The following CCDC178 variants were observed in gnomAD, a reference collection of about 807,000 sequenced individuals.
CCDC178 encodes coiled-coil domain-containing protein 178.
CCDC178 carries 126 observed loss-of-function variants against 117.4 expected under a neutral mutation model. That is an observed-to-expected ratio of 1.07 (90% CI 0.93 to 1.24). CCDC178 has a LOEUF of 1.24. Ranked by LOEUF, CCDC178 falls within the 50% of genes most tolerant of loss-of-function variation. CCDC178 has a pLI of 0.00. For synonymous variants in CCDC178, 283 were observed against 313.4 expected, an observed-to-expected ratio of 0.90 and a Z score of 1.02; for missense variants, 1,030 against 986.9, an observed-to-expected ratio of 1.04 and a Z score of -0.59.
intron 9 of CCDC178, among the ~76,000 whole-genome samples, chr18:33,343,745 T>G (rs2062847298): frequency 6.6e-6 from 1 of 152,194 alleles, no homozygotes; most frequent in African/African-American, 2.4e-5. Flanking sequence ...AGAAGTGAGT[T>G]TCCTTAATTT....
chr18:33,032,598 G>T (rs2144865247), intron 21 of CCDC178, among the ~76,000 whole-genome samples: 1 of 152,204 alleles, frequency 6.6e-6, no homozygotes, highest in East Asian at 1.9e-4. Flanking sequence ...AGTATAGGTT[G>T]TTAGGGACGC....
chr18:33,028,358 T>C (rs1456939363), intron 21 of CCDC178, among the ~76,000 whole-genome samples: 1 of 151,848 alleles, frequency 6.6e-6, no homozygotes, highest in Non-Finnish European at 1.5e-5. Flanking sequence ...TTCATCATAA[T>C]ACATTTCAAA....
intron 20 of CCDC178, among the ~76,000 whole-genome samples, chr18:33,147,356 A>ATTTTTTTTTTTTTTTTTTTTTT (rs575608507): frequency 2.1e-5 from 2 of 94,640 alleles, no homozygotes; most frequent in African/African-American, 4.7e-5. Context: ...TGCCTTTTTA[A>ATTTTTTTTTTTTTTTTTTTTTT]TTTTTTTTTT....
chr18:33,223,680 T>C (rs978045483), intron 17 of CCDC178, among the ~76,000 whole-genome samples: 1 of 152,128 alleles, frequency 6.6e-6, no homozygotes, highest in Non-Finnish European at 1.5e-5. Flanking sequence ...CCATGGCTGT[T>C]ATAAAATAAC....
intron 21 of CCDC178, among the ~76,000 whole-genome samples, chr18:32,980,519 G>C (rs988162021): frequency 6.8e-6 from 1 of 147,952 alleles, no homozygotes; most frequent in Non-Finnish European, 1.5e-5. Flanking sequence ...TGCAGTGAGC[G>C]GAGATCGCGC....
intron 3 of CCDC178, among the ~76,000 whole-genome samples, chr18:33,399,392 G>A (rs1465066965): frequency 6.6e-6 from 1 of 152,170 alleles, no homozygotes; most frequent in Non-Finnish European, 1.5e-5. Flanking sequence ...TTTTACAAAA[G>A]ATTTCTTTGT....
rs71177899 is a variant in CCDC178, at chr18:33,011,767, C to CAAAAAAAAAAAA, written c.2389-37098_2389-37087dup. 3.0e-4 allele frequency among the ~76,000 whole-genome samples: 9 copies of CAAAAAAAAAAAA among 30,014 alleles called. 2 individuals carry two copies. Among genetic ancestry groups the CAAAAAAAAAAAA allele is most frequent in the Non-Finnish European group, 4.5e-4 (5 of 11,130 alleles). The allele number at this position is 30,014 out of a possible 152,430, so 19.7% of individuals were successfully genotyped here. ...ACGTGGCAAATGATTGAGCAGAATG[C>CAAAAAAAAAAAA]AAAAAAAAAAAAAAAAAAAAAAAAA... On this transcript the variant is annotated intron_variant, in intron 21 of 22. Coordinates refer to ENST00000383096, the MANE Select transcript of CCDC178 (RefSeq NM_001105528.4).
chr18:33,369,955 A>G (rs186956109), intron 6 of CCDC178, 95 bp downstream of exon 6: 23 of 1,039,338 alleles, frequency 2.2e-5, no homozygotes, highest in Non-Finnish European at 3.1e-5. Context: ...ATTATCATTT[A>G]AAAAGTCCAG....
chr18:33,240,677 G>A (rs2059476795), intron 15 of CCDC178, among the ~76,000 whole-genome samples: 1 of 151,760 alleles, frequency 6.6e-6, no homozygotes. Flanking sequence ...ACGTAAGCAG[G>A]CCAATAACAA....
chr18:33,008,247 T>A (rs901267202), intron 21 of CCDC178, among the ~76,000 whole-genome samples: 2 of 152,102 alleles, frequency 1.3e-5, no homozygotes, highest in African/African-American at 4.8e-5. Context: ...CTCAAACAAC[T>A]TTTCCTCCAC....
intron 3 of CCDC178, among the ~76,000 whole-genome samples, chr18:33,407,962 T>C (rs183796749): frequency 3.6e-4 from 54 of 151,954 alleles, no homozygotes; most frequent in African/African-American, 1.3e-3. Flanking sequence ...TCAGAAAACC[T>C]AGGGGCCAAT....
intron 20 of CCDC178, among the ~76,000 whole-genome samples, chr18:33,205,771 T>C (rs1036669597): frequency 9.2e-5 from 14 of 152,234 alleles, no homozygotes; most frequent in Admixed American, 7.9e-4. Context: ...CACAGCTCAC[T>C]GCAGCCTCAA....
chr18:33,078,640 G>T (rs910168429), intron 21 of CCDC178, among the ~76,000 whole-genome samples: 1 of 152,092 alleles, frequency 6.6e-6, no homozygotes, highest in Non-Finnish European at 1.5e-5. Flanking sequence ...ACCAACAATA[G>T]CCATGCTGAG....
chr18:33,060,298 C>T (rs1163594771), intron 21 of CCDC178, among the ~76,000 whole-genome samples: 1 of 152,066 alleles, frequency 6.6e-6, no homozygotes, highest in Non-Finnish European at 1.5e-5. Flanking sequence ...TTTAGCCATT[C>T]TTGAATTTCC....
At chr18:33,289,797 T>C (rs1489061880) in intron 12 of CCDC178, among the ~76,000 whole-genome samples, 2 of 152,122 alleles carry the variant, frequency 1.3e-5, no homozygotes, top group African/African-American at 4.8e-5. Flanking sequence ...GTAAATAAGA[T>C]ATGCATAAAA....
intron 22 of CCDC178, among the ~76,000 whole-genome samples, chr18:32,973,789 T>C (rs1277241353): frequency 6.6e-6 from 1 of 152,188 alleles, no homozygotes; most frequent in Non-Finnish European, 1.5e-5. Context: ...TTTTATGTTT[T>C]TGTTTTTCAC....
At chr18:33,036,240 A>G (rs1427115586) in intron 21 of CCDC178, among the ~76,000 whole-genome samples, 1 of 151,936 alleles carries the variant, frequency 6.6e-6, no homozygotes, top group Non-Finnish European at 1.5e-5. Context: ...ATTCATGTAT[A>G]AAGAAAATGA....
At chr18:33,171,309 C>G (rs2058596740) in intron 20 of CCDC178, among the ~76,000 whole-genome samples, 1 of 152,140 alleles carries the variant, frequency 6.6e-6, no homozygotes, top group East Asian at 1.9e-4. Flanking sequence ...AGAATAAATC[C>G]TATTCACTCT....
intron 21 of CCDC178, among the ~76,000 whole-genome samples, chr18:33,080,455 C>T (rs890779277): frequency 5.9e-5 from 9 of 151,946 alleles, no homozygotes; most frequent in African/African-American, 1.2e-4. Flanking sequence ...TCTGGACAGA[C>T]GCATACAAAG....
Sources: allele counts gnomAD v4.1 joint callset (sites outside exome capture counted in the v4.1 genomes callset), GRCh38; gene constraint gnomAD v4.1.1; transcripts MANE v1.5; gene names NCBI Gene and HGNC (gene_info 2026-07-23, HGNC 2026-07-21).